The following PCDHA3 variants were observed in gnomAD, a reference collection of about 807,000 sequenced individuals.
PCDHA3 encodes the protein protocadherin alpha-3.
Under a neutral mutation model 62.2 loss-of-function variants are expected in PCDHA3, and 41 were observed. The ratio of observed to expected loss-of-function variants is 0.66; its 90% CI spans 0.51 to 0.86. PCDHA3 has a LOEUF of 0.86. Ranked by LOEUF, PCDHA3 falls within the 40% of genes least tolerant of loss-of-function variation. The pLI, the probability that PCDHA3 is intolerant of heterozygous loss-of-function variation, is 0.00. For synonymous variants in PCDHA3, 640 were observed against 555.4 expected (o/e 1.15, Z -2.14); for missense variants, 1,304 against 1,241.2 (o/e 1.05, Z -0.76).
chr5:140,830,077 G>C, intron 1 of PCDHA3: 5 of 1,613,664 alleles, frequency 3.1e-6, no homozygotes, highest in Non-Finnish European at 4.2e-6. Context: ...TGACAGCGAC[G>C]GCCACGGTTC....
chr5:140,872,768 A>C (rs527621278), intron 1 of PCDHA3, among the ~76,000 whole-genome samples: 1 of 152,292 alleles, frequency 6.6e-6, no homozygotes, highest in East Asian at 1.9e-4. Context: ...ATAGGGCTAT[A>C]TTATCTATAA....
intron 1 of PCDHA3, chr5:140,929,690 C>T (rs921103809): frequency 1.4e-5 from 4 of 278,364 alleles, no homozygotes; most frequent in Non-Finnish European, 2.8e-5. Context: ...TAAGAGTCTG[C>T]TTTATATGAA....
Position 140,802,667 on chromosome 5 carries a change from G to A in PCDHA3, c.1470G>A (p.Val490=). The A allele has an allele frequency of 1.2e-6, 2 of 1,613,508 alleles. No individual in the cohort carries two copies. The highest frequency in any genetic ancestry group is 2.2e-5 in the East Asian group (1 of 44,890). The change falls in exon 1 of 4, where the codon GTG becomes GTA. Residue 490 remains valine (V), a synonymous_variant. Coordinates refer to ENST00000522353, the MANE Select transcript of PCDHA3 (RefSeq NM_018906.3). ...RDADAQENAL[V]SYSLVERRVG... is the part of the protein sequence containing the mutation. ...CGGACGCGCAGGAGAACGCCCTGGT[G>A]TCCTACTCGCTGGTGGAACGGCGGG... is the stretch of plus-strand genomic sequence containing the variant.
chr5:140,920,703 G>A (rs1435351032), intron 1 of PCDHA3, among the ~76,000 whole-genome samples: 1 of 152,060 alleles, frequency 6.6e-6, no homozygotes, highest in Non-Finnish European at 1.5e-5. Context: ...CATTAGCTTG[G>A]CATGGTGGTG....
intron 1 of PCDHA3, among the ~76,000 whole-genome samples, chr5:140,964,435 C>G (rs2095833359): frequency 6.6e-6 from 1 of 152,108 alleles, no homozygotes; most frequent in African/African-American, 2.4e-5. Context: ...AATTACCAAG[C>G]CTCTGCCACT....
intron 1 of PCDHA3, chr5:140,842,775 A>T (rs1778262095): frequency 6.3e-7 from 1 of 1,594,430 alleles, no homozygotes; most frequent in Non-Finnish European, 8.6e-7. Flanking sequence ...GCGGACGCGC[A>T]GGAGAACGCG....
chr5:140,815,673 C>A (rs2126666211), intron 1 of PCDHA3: 1 of 152,054 alleles, frequency 6.6e-6, no homozygotes, highest in Non-Finnish European at 1.5e-5. Flanking sequence ...TACTAGTGAG[C>A]TTTATACTTT....
chr5:140,939,034 A>T (rs1367274051), intron 1 of PCDHA3, among the ~76,000 whole-genome samples: 1 of 152,216 alleles, frequency 6.6e-6, no homozygotes, highest in Non-Finnish European at 1.5e-5. Context: ...TATTCGGAAG[A>T]GTTGTCTTAG....
chr5:140,823,640 G>A lies in PCDHA3; in HGVS notation c.2394+20049G>A, dbSNP rs1326482790. ...CCTGGCAGTGCGCGCATCCCGTTCC[G>A]CGTGGGGCTGTACACAGGCGAGATC... On this transcript the variant is annotated intron_variant, in intron 1 of 3. Coordinates refer to ENST00000522353, the MANE Select transcript of PCDHA3 (RefSeq NM_018906.3). 20 of 1,613,876 alleles carry A rather than the reference G, an allele frequency of 1.2e-5. No individual in the cohort carries two copies. The highest frequency in any genetic ancestry group is 1.7e-5 in the Non-Finnish European group (20 of 1,179,952).
intron 3 of PCDHA3, among the ~76,000 whole-genome samples, chr5:141,007,300 T>C (rs185284872): frequency 6.6e-6 from 1 of 151,058 alleles, no homozygotes; most frequent in Admixed American, 6.6e-5. Context: ...CCTGTAATCT[T>C]AGCATTTTGG....
chr5:140,836,091 G>A, intron 1 of PCDHA3: 1 of 1,613,712 alleles, frequency 6.2e-7, no homozygotes, highest in Non-Finnish European at 8.5e-7. Flanking sequence ...GGCGCCTCGG[G>A]TGGGTGGCAC....
At chr5:140,848,733 C>A (rs1554142396) in intron 1 of PCDHA3, 2 of 1,592,812 alleles carry the variant, frequency 1.3e-6, no homozygotes, top group South Asian at 2.2e-5. Flanking sequence ...GGTAAATCTG[C>A]AGAATGGCAT....
At chr5:140,886,253 T>G (rs2060912572) in intron 1 of PCDHA3, among the ~76,000 whole-genome samples, 1 of 152,034 alleles carries the variant, frequency 6.6e-6, no homozygotes, top group African/African-American at 2.4e-5. Context: ...TAAAAGTATC[T>G]CTATTTATAG....
At chr5:140,893,984 AT>A (rs1305613741) in intron 1 of PCDHA3, among the ~76,000 whole-genome samples, 1 of 152,200 alleles carries the variant, frequency 6.6e-6, no homozygotes, top group South Asian at 2.1e-4. Context: ...TAATTTTAAA[AT>A]ATCTCCAATT....
chr5:141,009,339 G>A (rs1328874922), intron 3 of PCDHA3, among the ~76,000 whole-genome samples: 13 of 152,168 alleles, frequency 8.5e-5, no homozygotes, highest in African/African-American at 3.1e-4. Context: ...TGTGCCTGTA[G>A]TTCCAGCTAC....
At chr5:140,977,337 G>A (rs1554238444) in intron 1 of PCDHA3, among the ~76,000 whole-genome samples, 4 of 152,150 alleles carry the variant, frequency 2.6e-5, no homozygotes, top group South Asian at 2.1e-4. Context: ...GGGGAGAGAC[G>A]GTGATGATGA....
intron 1 of PCDHA3, chr5:140,830,919 GTTTTTCTGTCGACAC>G: frequency 6.6e-6 from 1 of 152,324 alleles, no homozygotes; most frequent in Admixed American, 6.5e-5. Context: ...CCATTTCAAT[GTTTTTCTGTCGACAC>G]TTTTATTAAG....
intron 1 of PCDHA3, chr5:140,848,367 G>T: frequency 9.1e-7 from 1 of 1,100,452 alleles, no homozygotes; most frequent in Non-Finnish European, 1.3e-6. Context: ...TGGGAAAGAG[G>T]CTCAATTCTT....
intron 1 of PCDHA3, chr5:140,875,945 CT>C (rs782069405): frequency 6.2e-7 from 1 of 1,614,144 alleles, no homozygotes; most frequent in South Asian, 1.1e-5. Flanking sequence ...GAGGGCGCTT[CT>C]GATGCGGATA....
Sources: allele counts gnomAD v4.1 joint callset (sites outside exome capture counted in the v4.1 genomes callset), GRCh38; gene constraint gnomAD v4.1.1; transcripts MANE v1.5; gene names NCBI Gene and HGNC (gene_info 2026-07-23, HGNC 2026-07-21).